The following KIAA0825 variants were observed in gnomAD, a reference collection of about 807,000 sequenced individuals.
KIAA0825 encodes KIAA0825.
In KIAA0825, 119 loss-of-function variants were observed where a neutral mutation model predicts 147.6. That is an observed-to-expected ratio of 0.81 (90% CI 0.69 to 0.94). The LOEUF is 0.94. Ranked by LOEUF, KIAA0825 falls within the 40% of genes least tolerant of loss-of-function variation. The pLI is 0.00. For synonymous variants in KIAA0825, 470 were observed against 518.1 expected, an observed-to-expected ratio of 0.91 and a Z score of 1.26; for missense variants, 1,381 against 1,472.7, an observed-to-expected ratio of 0.94 and a Z score of 1.02.
chr5:94,593,023 T>C (rs538751939), intron 1 of KIAA0825: 10 of 649,554 alleles, frequency 1.5e-5, no homozygotes, highest in Non-Finnish European at 2.6e-5. Context: ...GATCAGTCTA[T>C]TAAAAAATGT....
intron 20 of KIAA0825, among the ~76,000 whole-genome samples, chr5:94,348,944 C>G (rs1187293806): frequency 6.6e-6 from 1 of 152,172 alleles, no homozygotes; most frequent in African/African-American, 2.4e-5. Flanking sequence ...TGGTACCTCA[C>G]ATTTCAACAC....
intron 1 of KIAA0825, chr5:94,593,312 G>A: frequency 2.5e-6 from 2 of 798,828 alleles, no homozygotes; most frequent in Non-Finnish European, 4.6e-6. Context: ...ATTGTCCATA[G>A]GAACTTGGAA....
chr5:94,595,464 C>G (rs981834865), intron 1 of KIAA0825, among the ~76,000 whole-genome samples: 5 of 152,204 alleles, frequency 3.3e-5, no homozygotes, highest in African/African-American at 7.2e-5. Flanking sequence ...CTGCACACAG[C>G]AGCAAAGCCA....
chr5:94,516,909 T>G (rs1325170181), intron 5 of KIAA0825, among the ~76,000 whole-genome samples: 1 of 151,978 alleles, frequency 6.6e-6, no homozygotes, highest in Non-Finnish European at 1.5e-5. Context: ...GAGACCAGCC[T>G]GACCAAAATG....
At chr5:94,547,809 G>A (rs2151419730) in intron 2 of KIAA0825, among the ~76,000 whole-genome samples, 1 of 151,578 alleles carries the variant, frequency 6.6e-6, no homozygotes, top group African/African-American at 2.4e-5. Flanking sequence ...CAGTATGTCT[G>A]GCAGCAGACT....
At chr5:94,515,258 A>C (rs1767042052) in intron 5 of KIAA0825, among the ~76,000 whole-genome samples, 1 of 152,234 alleles carries the variant, frequency 6.6e-6, no homozygotes, top group Non-Finnish European at 1.5e-5. Context: ...AACTAGTCCA[A>C]ATATAAATAT....
At chr5:94,486,166 A>C (rs7737545) in intron 5 of KIAA0825, among the ~76,000 whole-genome samples, 16,002 of 152,006 alleles carry the variant, frequency 0.11, 1,908 homozygotes, top group African/African-American at 0.3. Flanking sequence ...AATGCCTTTT[A>C]TTAAAACATA....
intron 4 of KIAA0825, among the ~76,000 whole-genome samples, chr5:94,522,264 C>G (rs1194194027): frequency 1.3e-5 from 2 of 151,650 alleles, no homozygotes; most frequent in Non-Finnish European, 3.0e-5. Context: ...CTCCAGAGAG[C>G]CACAAAGTAC....
chr5:94,240,603 C>T lies in KIAA0825; in HGVS notation c.3711-86479G>A, dbSNP rs573625360. Among the ~76,000 whole-genome samples, 6 of 152,250 alleles carry T rather than the reference C, an allele frequency of 3.9e-5. No homozygotes were observed. The East Asian group carries it at 9.7e-4, about 25-fold the overall frequency. On this transcript the variant is annotated intron_variant, in intron 20 of 20. Coordinates refer to ENST00000682413, the MANE Select transcript of KIAA0825 (RefSeq NM_001145678.3). ...GTGTCTATCACAGTTATCAATTACCCATCAGTCTTCTTGTCAAAACAGAAT... is the reference window on the plus strand; with the variant it reads ...GTGTCTATCACAGTTATCAATTACCTATCAGTCTTCTTGTCAAAACAGAAT...
At chr5:94,512,370 G>A (rs1226609664) in intron 5 of KIAA0825, among the ~76,000 whole-genome samples, 1 of 151,964 alleles carries the variant, frequency 6.6e-6, no homozygotes, top group Non-Finnish European at 1.5e-5. Flanking sequence ...TTGGAAAAAT[G>A]ACTATATATT....
intron 2 of KIAA0825, chr5:94,567,627 C>T (rs182422489): frequency 9.2e-4 from 140 of 152,388 alleles, no homozygotes; most frequent in African/African-American, 3.2e-3. Context: ...GATGCCAACA[C>T]AGCAGCCATC....
At chr5:94,434,070 T>G (rs1272417887) in intron 14 of KIAA0825, among the ~76,000 whole-genome samples, 1 of 152,224 alleles carries the variant, frequency 6.6e-6, no homozygotes, top group African/African-American at 2.4e-5. Context: ...TTTTAAAATC[T>G]TCTGTGATCA....
chr5:94,256,293 T>A (rs1776251405), intron 20 of KIAA0825, among the ~76,000 whole-genome samples: 1 of 152,148 alleles, frequency 6.6e-6, no homozygotes, highest in Admixed American at 6.6e-5. Context: ...CCTATTCATG[T>A]CTCTATTATT....
chr5:94,538,948 C>T (rs547505406), intron 2 of KIAA0825, among the ~76,000 whole-genome samples: 6 of 152,156 alleles, frequency 3.9e-5, no homozygotes, highest in African/African-American at 1.2e-4. Context: ...AGAGCAACTC[C>T]GTCTTGAATA....
At chr5:94,211,275 T>C (rs572428823) in intron 20 of KIAA0825, among the ~76,000 whole-genome samples, 1 of 152,342 alleles carries the variant, frequency 6.6e-6, no homozygotes, top group East Asian at 1.9e-4. Context: ...TTAAGAACAC[T>C]AAACTGCCCC....
intron 3 of KIAA0825, among the ~76,000 whole-genome samples, chr5:94,536,438 A>G (rs1239503405): frequency 6.6e-6 from 1 of 152,240 alleles, no homozygotes; most frequent in African/African-American, 2.4e-5. Context: ...CCACAACTAC[A>G]TATGAAAACA....
At chr5:94,408,816 T>C (rs1221611507) in intron 15 of KIAA0825, among the ~76,000 whole-genome samples, 1 of 152,224 alleles carries the variant, frequency 6.6e-6, no homozygotes, top group African/African-American at 2.4e-5. Flanking sequence ...ACCTTAAAAC[T>C]ATTTAAAAAA....
intron 20 of KIAA0825, among the ~76,000 whole-genome samples, chr5:94,261,433 C>T (rs1450924880): frequency 6.6e-6 from 1 of 151,960 alleles, no homozygotes; most frequent in Non-Finnish European, 1.5e-5. Flanking sequence ...AAATAAAATT[C>T]CTGAGATGTT....
chr5:94,410,432 G>C lies in KIAA0825; in HGVS notation c.2663-6639C>G, dbSNP rs377039267. Among the ~76,000 whole-genome samples, 13 of 152,130 alleles carry C rather than the reference G, an allele frequency of 8.5e-5. No individual in the cohort carries two copies. The East Asian group carries it at 2.5e-3, about 29-fold the overall frequency. ...GCAAAAGACAAAATATTCCAAGAAA[G>C]AATGGCTGAAAAGTTTTCAAATTTG... is the stretch of plus-strand genomic sequence containing the variant. On this transcript the variant is annotated intron_variant, in intron 15 of 20. Transcript: ENST00000682413.
Sources: gnomAD v4.1 joint callset for allele counts (sites outside exome capture counted in the v4.1 genomes callset) on GRCh38, gnomAD v4.1.1 for gene constraint, MANE v1.5 for transcripts, NCBI Gene and HGNC (gene_info 2026-07-23, HGNC 2026-07-21) for gene names.